SAXO1: variants seen among roughly 807,000 people sequenced by gnomAD.
SAXO1 encodes the protein stabilizer of axonemal microtubules 1.
SAXO1 carries 21 observed loss-of-function variants against 17.5 expected under a neutral mutation model. That is an observed-to-expected ratio of 1.20 (90% CI 0.85 to 1.72). The LOEUF (loss-of-function observed/expected upper bound fraction) is 1.72, where lower values mean the gene tolerates loss of function less well. SAXO1 is among the 40% of genes most tolerant of loss of function. The pLI is 0.00. For missense variants in SAXO1, 843 were observed against 596.0 expected (o/e 1.41, Z -4.32); for synonymous variants, 274 against 216.5 (o/e 1.27, Z -2.33).
rs1175848497 is a variant in SAXO1, at chr9:19,003,430, A to T, written c.38+29441T>A. 2.6e-5 allele frequency among the ~76,000 whole-genome samples: 4 copies of T among 152,196 alleles called. No individual in the cohort carries two copies. In the East Asian group the frequency reaches 7.7e-4, roughly 29 times the overall value. ...TATGGAACCAAAAAAGAGCCCACAT[A>T]GCCAAGACTATCCTAAGCAAAAAGA... On this transcript the variant is annotated intron_variant, in intron 1 of 3. Transcript: ENST00000380534.
chr9:18,949,585 C>G (rs1028157675), intron 2 of SAXO1, among the ~76,000 whole-genome samples: 168 of 152,208 alleles, frequency 1.1e-3, no homozygotes, highest in Non-Finnish European at 8.1e-4. Context: ...CCTCATTTCT[C>G]CCATTGTGGG....
At chr9:18,988,827 T>A (rs1833694021) in intron 1 of SAXO1, among the ~76,000 whole-genome samples, 1 of 152,156 alleles carries the variant, frequency 6.6e-6, no homozygotes, top group Admixed American at 6.6e-5. Flanking sequence ...TAGACTCCTA[T>A]GGGAAAATAT....
At chr9:19,023,327 G>A (rs1835328434) in intron 1 of SAXO1, among the ~76,000 whole-genome samples, 2 of 152,118 alleles carry the variant, frequency 1.3e-5, no homozygotes, top group Admixed American at 6.5e-5. Flanking sequence ...GCCTAGAACA[G>A]ACCTTTATGC....
chr9:19,046,186 A>C (rs1836211777), intron 1 of SAXO1, among the ~76,000 whole-genome samples: 1 of 152,022 alleles, frequency 6.6e-6, no homozygotes, highest in African/African-American at 2.4e-5. Context: ...TCTTAATGTT[A>C]CTATTATCCT....
intron 1 of SAXO1, among the ~76,000 whole-genome samples, chr9:18,968,691 T>G (rs1345547318): frequency 6.6e-6 from 1 of 151,976 alleles, no homozygotes; most frequent in African/African-American, 2.4e-5. Context: ...CCTCTCAGGT[T>G]CAAGTGATTC....
intron 1 of SAXO1, among the ~76,000 whole-genome samples, chr9:19,019,823 T>A (rs1835149871): frequency 1.3e-5 from 2 of 152,122 alleles, no homozygotes; most frequent in Non-Finnish European, 2.9e-5. Context: ...CCAAATCCAC[T>A]TTCACGCAAT....
chr9:19,047,183 T>C (rs1263299373), intron 1 of SAXO1, among the ~76,000 whole-genome samples: 1 of 151,988 alleles, frequency 6.6e-6, no homozygotes, highest in African/African-American at 2.4e-5. Context: ...CAAGACTCCA[T>C]CTCAAAACAA....
chr9:18,941,917 C>T (rs1831581620), intron 2 of SAXO1, 78 bp from the exon 3 acceptor site: 7 of 1,373,274 alleles, frequency 5.1e-6, no homozygotes, highest in Admixed American at 1.7e-5. Context: ...CCCAACTCTA[C>T]AAACATTTGC....
intron 1 of SAXO1, among the ~76,000 whole-genome samples, chr9:19,046,155 C>A (rs1033419206): frequency 6.8e-6 from 1 of 147,894 alleles, no homozygotes; most frequent in African/African-American, 2.5e-5. Context: ...GAAACCAAGA[C>A]TAAACGGGAT....
At chr9:18,969,248 T>C (rs1313316811) in intron 1 of SAXO1, among the ~76,000 whole-genome samples, 1 of 152,208 alleles carries the variant, frequency 6.6e-6, no homozygotes, top group African/African-American at 2.4e-5. Flanking sequence ...CAAAGGAAGC[T>C]TCCCTTCTCA....
intron 1 of SAXO1, among the ~76,000 whole-genome samples, chr9:19,011,994 G>T (rs7048782): frequency 6.6e-6 from 1 of 151,280 alleles, no homozygotes; most frequent in East Asian, 2.0e-4. Flanking sequence ...TACAGGCGCA[G>T]GTCACCATGC....
chr9:19,013,420 C>G (rs1166473437), intron 1 of SAXO1, among the ~76,000 whole-genome samples: 2 of 151,980 alleles, frequency 1.3e-5, no homozygotes, highest in East Asian at 3.9e-4. Context: ...TTACCTTTTT[C>G]CATGATGGCT....
At chr9:19,005,213 G>A (rs550332266) in intron 1 of SAXO1, among the ~76,000 whole-genome samples, 1 of 152,192 alleles carries the variant, frequency 6.6e-6, no homozygotes, top group South Asian at 2.1e-4. Flanking sequence ...ATTACCCAAA[G>A]TGATCTACAG....
chr9:19,027,877 G>T (rs1342625578), intron 1 of SAXO1: 2 of 1,371,224 alleles, frequency 1.5e-6, no homozygotes, highest in South Asian at 1.2e-5. Flanking sequence ...AGGGCGGCCT[G>T]GACCGCAAGA....
intron 1 of SAXO1, among the ~76,000 whole-genome samples, chr9:18,966,705 A>G (rs6475287): frequency 0.18 from 27,769 of 152,106 alleles, 5,343 homozygotes; most frequent in African/African-American, 0.49. Context: ...TTGTCTTGGA[A>G]GAGTTTGTTA....
At chr9:18,949,666 C>T (rs1023310528) in intron 2 of SAXO1, among the ~76,000 whole-genome samples, 3 of 114,392 alleles carry the variant, frequency 2.6e-5, no homozygotes, top group Admixed American at 9.8e-5. Context: ...TAGAGAAGAG[C>T]ACCTCCAACT....
chr9:19,039,550 A>G (rs547211725), intron 1 of SAXO1, among the ~76,000 whole-genome samples: 2 of 152,346 alleles, frequency 1.3e-5, no homozygotes, highest in Admixed American at 1.3e-4. Flanking sequence ...GGCCATGCTT[A>G]GAGAACTGAT....
chr9:19,034,973 C>A (rs1249076499), upstream of SAXO1, among the ~76,000 whole-genome samples: 1 of 152,208 alleles, frequency 6.6e-6, no homozygotes, highest in Admixed American at 6.5e-5. Flanking sequence ...TCCCCACTTC[C>A]TCCATCCATG....
intron 1 of SAXO1, among the ~76,000 whole-genome samples, chr9:18,973,061 A>T (rs1833010088): frequency 6.6e-6 from 1 of 152,212 alleles, no homozygotes; most frequent in Non-Finnish European, 1.5e-5. Flanking sequence ...GCAAAATCAA[A>T]GATGTGGAGT....
Sources: gnomAD v4.1 joint callset for allele counts (sites outside exome capture counted in the v4.1 genomes callset) on GRCh38, gnomAD v4.1.1 for gene constraint, MANE v1.5 for transcripts, NCBI Gene and HGNC (gene_info 2026-07-23, HGNC 2026-07-21) for gene names.